The following TRAPPC10 variants were observed in gnomAD, a reference collection of about 807,000 sequenced individuals.
The protein encoded by TRAPPC10 is TRAPP 130 kDa subunit.
A neutral mutation model predicts 125.5 loss-of-function variants in TRAPPC10; 23 were observed. The ratio of observed to expected loss-of-function variants is 0.18; its 90% CI spans 0.13 to 0.26. The LOEUF is 0.26. Ranked by LOEUF, TRAPPC10 falls within the 10% of genes least tolerant of loss-of-function variation. The pLI is 1.00. For synonymous variants in TRAPPC10, 509 were observed against 518.0 expected (o/e 0.98, Z 0.24); for missense variants, 1,123 against 1,308.4 (o/e 0.86, Z 2.19).
intron 7 of TRAPPC10, 66 bp from the exon 8 acceptor site, chr21:44,074,258 G>A (rs1247041694): frequency 6.3e-7 from 1 of 1,598,506 alleles, no homozygotes; most frequent in African/African-American, 1.3e-5. Flanking sequence ...GCTAGAGCAT[G>A]TGGGTTTGTT....
chr21:44,079,472 TG>T, intron 11 of TRAPPC10, 91 bp from the exon 12 acceptor site: 1 of 1,446,514 alleles, frequency 6.9e-7, no homozygotes, highest in Non-Finnish European at 9.3e-7. Flanking sequence ...GCATGGGGTC[TG>T]GAGGATGGAG....
intron 13 of TRAPPC10, among the ~76,000 whole-genome samples, chr21:44,080,671 G>A (rs2037635465): frequency 6.6e-6 from 1 of 151,836 alleles, no homozygotes; most frequent in African/African-American, 2.4e-5. Context: ...CCAAGTAGCT[G>A]GGGTTACGTG....
intron 3 of TRAPPC10, among the ~76,000 whole-genome samples, chr21:44,049,286 G>C (rs1372474691): frequency 1.3e-5 from 2 of 152,206 alleles, no homozygotes; most frequent in Non-Finnish European, 2.9e-5. Context: ...GGGTGATCCT[G>C]GTTTCCTCCC....
intron 3 of TRAPPC10, among the ~76,000 whole-genome samples, 165 bp downstream of exon 3, chr21:44,038,092 G>A (rs1274170657): frequency 1.3e-5 from 2 of 152,142 alleles, no homozygotes; most frequent in Non-Finnish European, 2.9e-5. Context: ...CGCGCGGTGG[G>A]ATGGGGTTGG....
At chr21:44,013,199 G>C (rs1237681568) in intron 1 of TRAPPC10, among the ~76,000 whole-genome samples, 3 of 152,180 alleles carry the variant, frequency 2.0e-5, no homozygotes, top group African/African-American at 4.8e-5. Flanking sequence ...ACGGACACCT[G>C]GTGCCTCTTG....
chr21:44,015,488 G>A (rs1350787257), intron 1 of TRAPPC10, among the ~76,000 whole-genome samples: 1 of 152,094 alleles, frequency 6.6e-6, no homozygotes, highest in Non-Finnish European at 1.5e-5. Context: ...CATGGTCATA[G>A]CCGACTGCAG....
intron 7 of TRAPPC10, among the ~76,000 whole-genome samples, chr21:44,065,273 G>C (rs978036633): frequency 6.6e-6 from 1 of 152,106 alleles, no homozygotes; most frequent in African/African-American, 2.4e-5. Flanking sequence ...TTGTAGCGTC[G>C]GGGTTCACAG....
At chr21:44,036,960 A>T (rs1282538704) in intron 2 of TRAPPC10, among the ~76,000 whole-genome samples, 1 of 152,222 alleles carries the variant, frequency 6.6e-6, no homozygotes, top group Non-Finnish European at 1.5e-5. Context: ...AAACTTGATT[A>T]ATCTCCCAAA....
chr21:44,075,182 G>A, intron 9 of TRAPPC10, 29 bp downstream of exon 9: 1 of 1,489,268 alleles, frequency 6.7e-7, no homozygotes, highest in Non-Finnish European at 9.4e-7. Flanking sequence ...CTGTGTGAGT[G>A]GTGAGGTGGA....
intron 17 of TRAPPC10, 94 bp downstream of exon 17, chr21:44,088,022 TG>T (rs928017969): frequency 3.8e-6 from 4 of 1,064,672 alleles, no homozygotes; most frequent in Non-Finnish European, 5.5e-6. Flanking sequence ...GCTGTTAGCC[TG>T]GCTCCTTCTG....
At chr21:44,018,676 C>T (rs1225949824) in intron 1 of TRAPPC10, among the ~76,000 whole-genome samples, 6 of 143,906 alleles carry the variant, frequency 4.2e-5, no homozygotes, top group East Asian at 2.0e-4. Flanking sequence ...TCCAGCCTGG[C>T]GTGAGACTCC....
At position 44,052,286 on chromosome 21, in the gene TRAPPC10, G is replaced by C; in HGVS notation, c.292G>C (p.Glu98Gln). Residue 98 changes from glutamate (E) to glutamine (Q), a missense_variant, in exon 4 of 23, where the codon GAA (glutamate) becomes CAA (glutamine). By Grantham distance (29) the Glu-to-Gln change is conservative. Transcript: ENST00000291574. The part of the protein sequence containing the change: ...HIYWTECCDT[E>Q]VYKATVKDDL... ...GTGACTTGTTTGTTTTTAGGATACC[G>C]AAGTGTATAAAGCTACAGTAAAAGA... 1 of 1,584,010 alleles carries C rather than the reference G, an allele frequency of 6.3e-7. No individual in the cohort carries two copies. The highest frequency in any genetic ancestry group is 8.5e-7 in the Non-Finnish European group (1 of 1,169,684).
In TRAPPC10 at chr21:44,052,387, T is replaced by C; in HGVS notation, c.393T>C (p.Asp131=). Reference sequence around the variant, plus strand: ...GGTTAATAGTGATAGTTGAAAATGATGCCAAGAAAAAAAACAAAACCAACA... The same window carrying C: ...GGTTAATAGTGATAGTTGAAAATGACGCCAAGAAAAAAAACAAAACCAACA... The part of the protein sequence containing the change: ...VDWLIVIVEN[D]AKKKNKTNIL... Residue 131 remains aspartate, a synonymous_variant, in exon 4 of 23, where the codon GAT becomes GAC. Transcript: ENST00000291574. The C allele has an allele frequency of 6.2e-7, 1 of 1,614,032 alleles. No homozygotes were observed.
chr21:44,024,912 T>TC (rs2032903135), intron 1 of TRAPPC10, among the ~76,000 whole-genome samples: 1 of 152,184 alleles, frequency 6.6e-6, no homozygotes, highest in South Asian at 2.1e-4. Context: ...TATTTGTATT[T>TC]CCCTTTCTTA....
intron 3 of TRAPPC10, among the ~76,000 whole-genome samples, chr21:44,042,045 T>G (rs954769629): frequency 5.3e-5 from 8 of 152,166 alleles, no homozygotes; most frequent in Non-Finnish European, 8.8e-5. Context: ...ATATTTGTGC[T>G]TTCTCTCTTT....
intron 5 of TRAPPC10, among the ~76,000 whole-genome samples, chr21:44,056,198 T>C (rs1168824374): frequency 6.6e-6 from 1 of 152,130 alleles, no homozygotes; most frequent in Non-Finnish European, 1.5e-5. Flanking sequence ...TTAATATCCA[T>C]GAGTCTGTAT....
rs1233656221 is a variant in TRAPPC10 at position 44,063,300 on chromosome 21, G to A, written c.791-238G>A. The A allele has an allele frequency of 4.3e-6, 5 of 1,174,442 alleles. No individual in the cohort carries two copies. The African/African-American group carries it at 4.7e-5, about 11-fold the overall frequency. 72.8% of individuals were successfully genotyped at this position (1,174,442 alleles called of 1,614,324 possible). ...TGACTTCCCAACCTGTTCAGCTCCC[G>A]CCCATGACTTTCTGGGCATGGTAGG... On this transcript the variant is annotated intron_variant, in intron 6 of 22. Transcript: ENST00000291574. The surrounding 1 kb of genome is among the most constrained non-coding windows in gnomAD (Gnocchi z 4.4).
rs765328237 is a variant in TRAPPC10, at chr21:44,082,937, A to G, written c.1873A>G (p.Ile625Val). ...GCCTGTGCCTGTTCACGTGGAGCAG[A>G]TTGTGGTCAATGTCCACTTCAGCAT... Reference protein sequence around the residue: ...QMPVPVHVEQIVVNVHFSIEK... With the variant: ...QMPVPVHVEQVVVNVHFSIEK... Residue 625 changes from isoleucine to valine, a missense_variant, in exon 14 of 23, where the codon ATT (isoleucine) becomes GTT (valine). This residue lies in a region of TRAPPC10 where 840 missense variants were observed against 902.0 expected (regional missense o/e 0.93). Transcript: ENST00000291574. The surrounding 1 kb of genome is among the most constrained non-coding windows in gnomAD (Gnocchi z 4.4). 44 of 1,613,966 alleles carry G rather than the reference A, an allele frequency of 2.7e-5. No individual in the cohort carries two copies. The South Asian group carries it at 4.6e-4, about 17-fold the overall frequency.
chr21:44,060,915 T>TACATACATACACACACAC (rs60633801), intron 6 of TRAPPC10, among the ~76,000 whole-genome samples: 7 of 132,192 alleles, frequency 5.3e-5, no homozygotes, highest in African/African-American at 2.1e-4. Context: ...CATACATACA[T>TACATACATACACACACAC]ACACACACAC....
Sources: allele counts gnomAD v4.1 joint callset (sites outside exome capture counted in the v4.1 genomes callset), GRCh38; gene constraint gnomAD v4.1.1; regional missense constraint gnomAD v4.1.1; non-coding constraint Gnocchi (gnomAD v3.1); transcripts MANE v1.5; gene names NCBI Gene and HGNC (gene_info 2026-07-23, HGNC 2026-07-21).